SLC41A1: variants seen among roughly 807,000 people sequenced by gnomAD.
SLC41A1 encodes the protein solute carrier family 41 member 1.
Under a neutral mutation model 47.3 loss-of-function variants are expected in SLC41A1, and 20 were observed. The ratio of observed to expected loss-of-function variants is 0.42; its 90% CI spans 0.30 to 0.61. SLC41A1 has a LOEUF of 0.61. SLC41A1 is among the 20% of genes least tolerant of loss of function. SLC41A1 has a pLI of 0.17. For synonymous variants in SLC41A1, 282 were observed against 272.7 expected, an observed-to-expected ratio of 1.03 and a Z score of -0.34; for missense variants, 504 against 674.1, an observed-to-expected ratio of 0.75 and a Z score of 2.79.
At chr1:205,797,866 G>T in intron 7 of SLC41A1, 38 bp downstream of exon 7, 1 of 1,613,518 alleles carries the variant, frequency 6.2e-7, no homozygotes, top group Non-Finnish European at 8.5e-7. Flanking sequence ...GGAAGGGTTG[G>T]AGTGGGGTAG....
intron 4 of SLC41A1, 134 bp downstream of exon 4, chr1:205,799,625 G>T: frequency 1.0e-6 from 1 of 976,480 alleles, no homozygotes; most frequent in Non-Finnish European, 1.6e-6. Flanking sequence ...ACCTCCTAGA[G>T]CTACTCTGGG....
In SLC41A1 at chr1:205,813,080, G is replaced by C; in HGVS notation, c.-919C>G. 3 of 985,316 alleles carry C rather than the reference G, an allele frequency of 3.0e-6. No homozygotes were observed. The highest frequency in any genetic ancestry group is 3.6e-6 in the Non-Finnish European group (3 of 829,912). 61.0% of individuals were successfully genotyped at this position (985,316 alleles called of 1,614,324 possible). A position where few individuals can be genotyped will look rare whatever the true frequency, so the allele number is the denominator to read the frequency against. ...CAGGATATATCGCTTCGGGCCCGGC[G>C]GGGGGGCACCCGGACGGGGGACCGG... On this transcript the variant is annotated 5_prime_UTR_variant, in exon 1 of 11. Transcript: ENST00000367137.
At chr1:205,793,363 C>T (rs1655668125) in intron 10 of SLC41A1, among the ~76,000 whole-genome samples, 1 of 152,198 alleles carries the variant, frequency 6.6e-6, no homozygotes, top group African/African-American at 2.4e-5. Flanking sequence ...CACTGAGGCT[C>T]ATCCTTTCCA....
chr1:205,811,485 A>C (rs1359839353), intron 1 of SLC41A1, among the ~76,000 whole-genome samples: 4 of 152,224 alleles, frequency 2.6e-5, no homozygotes, highest in Admixed American at 6.5e-5. Flanking sequence ...AGTGGGGTTC[A>C]GTTACAAATT....
chr1:205,795,507 A>T (rs1033159865), intron 8 of SLC41A1, 29 bp from the exon 9 acceptor site: 7 of 1,614,014 alleles, frequency 4.3e-6, no homozygotes, highest in Non-Finnish European at 5.9e-6. Context: ...GCTTAGACAC[A>T]GACAGAGGTC....
Position 205,791,071 on chromosome 1 carries a change from G to A in SLC41A1, c.*462C>T, listed in dbSNP as rs1440974132. The A allele has an allele frequency of 1.2e-5, 3 of 250,090 alleles. No individual in the cohort carries two copies. Among genetic ancestry groups the A allele is most frequent in the Non-Finnish European group, 2.3e-5 (3 of 128,124 alleles). 15.5% of individuals were successfully genotyped at this position (250,090 alleles called of 1,614,324 possible). A position where few individuals can be genotyped will look rare whatever the true frequency, so the allele number is the denominator to read the frequency against. ...CTTCTACAAAAGTATGTCTGTGTTT[G>A]GGAGTGTTACTTATTCTTCTGTCCC... is the stretch of plus-strand genomic sequence containing the variant. On this transcript the variant is annotated 3_prime_UTR_variant, in exon 11 of 11. Transcript: ENST00000367137. The surrounding 1 kb of genome is among the most constrained non-coding windows in gnomAD (Gnocchi z 4.0).
chr1:205,797,041 T>C (rs1655767145), intron 7 of SLC41A1, 38 bp from the exon 8 acceptor site: 2 of 1,565,394 alleles, frequency 1.3e-6, no homozygotes, highest in African/African-American at 2.7e-5. Context: ...CAAAGACCAC[T>C]GAAGGGTTCT....
At position 205,789,569 on chromosome 1, in the gene SLC41A1, G is replaced by A. The variant is rs1004285322; in HGVS notation, c.*1964C>T. ...CTGTGTGTAAGTATTTTTTGAGGTG[G>A]AGGAAAAGATGAAAAAAGTCCAGAG... On this transcript the variant is annotated 3_prime_UTR_variant, in exon 11 of 11. Transcript: ENST00000367137. The A allele has an allele frequency of 2.0e-5, 3 of 152,248 alleles. No homozygotes were observed. Among genetic ancestry groups the A allele is most frequent in the African/African-American group, 7.2e-5 (3 of 41,450 alleles). The allele number at this position is 152,248 out of a possible 1,614,324, so 9.4% of individuals were successfully genotyped here.
At chr1:205,804,266 G>A (rs908202350) in intron 2 of SLC41A1, among the ~76,000 whole-genome samples, 1 of 152,164 alleles carries the variant, frequency 6.6e-6, no homozygotes, top group Non-Finnish European at 1.5e-5. Context: ...AGCTCTCCCT[G>A]TGTGAATGGG....
chr1:205,799,611 A>T, intron 4 of SLC41A1, 148 bp downstream of exon 4: 1 of 860,322 alleles, frequency 1.2e-6, no homozygotes, highest in Non-Finnish European at 1.9e-6. Context: ...TGGGTAACCT[A>T]GTTACCTCCT....
intron 3 of SLC41A1, 39 bp downstream of exon 3, chr1:205,800,914 T>C: frequency 6.4e-7 from 1 of 1,557,956 alleles, no homozygotes; most frequent in Non-Finnish European, 8.8e-7. Flanking sequence ...CTGCCCAGAG[T>C]CCTCTCTGTG....
chr1:205,800,835 C>A, intron 3 of SLC41A1, 118 bp downstream of exon 3: 1 of 987,260 alleles, frequency 1.0e-6, no homozygotes, highest in Non-Finnish European at 1.6e-6. Flanking sequence ...CCTTCCCACC[C>A]CAGCCCCACA....
At chr1:205,793,504 C>T (rs1427123973) in intron 10 of SLC41A1, among the ~76,000 whole-genome samples, 1 of 152,228 alleles carries the variant, frequency 6.6e-6, no homozygotes, top group Non-Finnish European at 1.5e-5. Flanking sequence ...TGCTGCAGGG[C>T]AACAGCATAT....
chr1:205,792,424 A>T (rs1406121409), intron 10 of SLC41A1, among the ~76,000 whole-genome samples: 4 of 152,194 alleles, frequency 2.6e-5, no homozygotes. Context: ...TTCAAAATAC[A>T]TTTGACATGA....
chr1:205,810,009 T>C lies in SLC41A1; in HGVS notation c.372+61A>G. The C allele has an allele frequency of 6.2e-7, 1 of 1,610,848 alleles. No homozygotes were observed. The highest frequency in any genetic ancestry group is 2.2e-5 in the East Asian group (1 of 44,798). On this transcript the variant is annotated intron_variant, in intron 2 of 10. Coordinates refer to ENST00000367137, the MANE Select transcript of SLC41A1 (RefSeq NM_173854.6). The surrounding 1 kb of genome is among the most constrained non-coding windows in gnomAD (Gnocchi z 5.5). ...GGGAGGTAGAGAGGAAGTTCCAAGT[T>C]TCCCAGCAGGCAAAGGTGGCCCTGG...
intron 2 of SLC41A1, among the ~76,000 whole-genome samples, chr1:205,808,097 G>A (rs1656057781): frequency 6.6e-6 from 1 of 152,054 alleles, no homozygotes; most frequent in African/African-American, 2.4e-5. Context: ...TGGGACTACA[G>A]GTGCCTGCCA....
At chr1:205,807,894 C>T (rs530560657) in intron 2 of SLC41A1, among the ~76,000 whole-genome samples, 14 of 151,110 alleles carry the variant, frequency 9.3e-5, no homozygotes, top group Middle Eastern at 3.5e-3. Context: ...TGGCTTCAAG[C>T]GATCCTCCTG....
chr1:205,804,482 A>C (rs1213306214), intron 2 of SLC41A1, among the ~76,000 whole-genome samples: 1 of 152,104 alleles, frequency 6.6e-6, no homozygotes, highest in African/African-American at 2.4e-5. Flanking sequence ...AGCCCTCTCC[A>C]AACACTGAAG....
Position 205,795,363 on chromosome 1 carries a change from A to G in SLC41A1, c.1188T>C (p.Cys396=). Residue 396 remains cysteine (C), a synonymous_variant, in exon 9 of 11, where the codon TGT becomes TGC. Transcript: ENST00000367137. ...EQAPRRCPSP[C]TTFFSPDVNS... ...CGTTACCAGGGCTGAAGAAGGTGGT[A>G]CAAGGACTGGGACAGCGGCGAGGAG... The G allele has an allele frequency of 6.2e-7, 1 of 1,614,220 alleles. No individual in the cohort carries two copies. The highest frequency in any genetic ancestry group is 8.5e-7 in the Non-Finnish European group (1 of 1,180,034).
Sources: allele counts gnomAD v4.1 joint callset (sites outside exome capture counted in the v4.1 genomes callset), GRCh38; gene constraint gnomAD v4.1.1; non-coding constraint Gnocchi (gnomAD v3.1); transcripts MANE v1.5; gene names NCBI Gene and HGNC (gene_info 2026-07-23, HGNC 2026-07-21).